Variants in DYNC1I2 observed in about 807,000 individuals in gnomAD.
DYNC1I2 encodes dynein cytoplasmic 1 intermediate chain 2, also known as cytoplasmic dynein 1 intermediate chain 2.
DYNC1I2 carries 53 observed loss-of-function variants against 88.6 expected under a neutral mutation model. The ratio of observed to expected loss-of-function variants is 0.60; its 90% CI spans 0.48 to 0.75. DYNC1I2 has a LOEUF of 0.75. Ranked by LOEUF, DYNC1I2 falls within the 30% of genes least tolerant of loss-of-function variation. The pLI, the probability that DYNC1I2 is intolerant of heterozygous loss-of-function variation, is 0.00. For missense variants in DYNC1I2, 458 were observed against 766.6 expected (o/e 0.60, Z 4.75); for synonymous variants, 198 against 254.6 (o/e 0.78, Z 2.12).
At chr2:171,743,638 C>G (rs1689595247) in intron 15 of DYNC1I2, among the ~76,000 whole-genome samples, 1 of 152,188 alleles carries the variant, frequency 6.6e-6, no homozygotes, top group Admixed American at 6.5e-5. Flanking sequence ...AAGTTTGTCT[C>G]CTGATTCTGC....
intron 3 of DYNC1I2, among the ~76,000 whole-genome samples, chr2:171,703,717 C>A (rs920029681): frequency 3.3e-5 from 5 of 152,028 alleles, no homozygotes; most frequent in Admixed American, 6.6e-5. Flanking sequence ...AAAGTAACAT[C>A]TTTCAGAAGG....
In DYNC1I2 at chr2:171,725,922, C is replaced by T. The variant is rs369395023; in HGVS notation, c.611C>T (p.Pro204Leu). 18 of 1,565,638 alleles carry T rather than the reference C, an allele frequency of 1.1e-5. No homozygotes were observed. The highest frequency in any genetic ancestry group is 1.7e-4 in the Middle Eastern group (1 of 5,804). The change falls in exon 9 of 18, where the codon CCC becomes CTC. Residue 204 changes from proline (P) to leucine (L), a missense_variant. By Grantham distance (98) the Pro-to-Leu change is moderately conservative. Coordinates refer to ENST00000397119, the MANE Select transcript of DYNC1I2 (RefSeq NM_001378.3). ...CAAAAAATTATTTATTTTCCAGCTC[C>T]CCCTCATGAGCTGACTGAAGAAGAA... Reference protein sequence around the residue: ...KKDEENDSKAPPHELTEEEKQ... With the variant: ...KKDEENDSKALPHELTEEEKQ...
At chr2:171,688,280 G>C (rs965603899) in intron 1 of DYNC1I2, 1 of 152,172 alleles carries the variant, frequency 6.6e-6, no homozygotes, top group Non-Finnish European at 1.5e-5. Flanking sequence ...GGAGGTTCTA[G>C]CACAAAACTC....
chr2:171,696,470 C>T (rs983345859), intron 3 of DYNC1I2, among the ~76,000 whole-genome samples: 2 of 152,066 alleles, frequency 1.3e-5, no homozygotes, highest in South Asian at 4.1e-4. Context: ...ACCTGTATAA[C>T]CCTTTTTTGT....
chr2:171,742,052 C>T (rs563364843), intron 15 of DYNC1I2, among the ~76,000 whole-genome samples: 5 of 141,748 alleles, frequency 3.5e-5, no homozygotes, highest in Admixed American at 1.5e-4. Context: ...GGCGACAGAG[C>T]GAGACGCGGT....
chr2:171,747,663 T>G (rs1689893030), intron 17 of DYNC1I2, 113 bp from the exon 18 acceptor site: 3 of 653,272 alleles, frequency 4.6e-6, no homozygotes, highest in Non-Finnish European at 7.8e-6. Flanking sequence ...GAAAGGCCAT[T>G]CAGGTCAATT....
chr2:171,692,905 G>A lies in DYNC1I2; in HGVS notation c.226+11G>A, dbSNP rs747722761. 6.1e-5 allele frequency: 95 copies of A among 1,555,186 alleles called. 4 individuals are homozygous for A. In the East Asian group the frequency reaches 2.2e-3, roughly 36 times the overall value. The stretch of plus-strand genomic sequence containing the variant: ...CAGAATCCCCCATTGGTAAGGTTAA[G>A]AATATATCCATTTATAAGAGATAGG... On this transcript the variant is annotated intron_variant, in intron 3 of 17. Transcript: ENST00000397119.
At chr2:171,732,451 A>T (rs1173366734) in intron 15 of DYNC1I2, among the ~76,000 whole-genome samples, 2 of 152,190 alleles carry the variant, frequency 1.3e-5, no homozygotes, top group Admixed American at 6.5e-5. Flanking sequence ...TTATTTAGAA[A>T]TTTGATGATG....
intron 17 of DYNC1I2, among the ~76,000 whole-genome samples, chr2:171,747,347 A>T (rs886819802): frequency 2.0e-5 from 3 of 151,772 alleles, no homozygotes; most frequent in African/African-American, 7.3e-5. Context: ...ATCAAGAAAG[A>T]TTACCTTATG....
chr2:171,710,746 G>A (rs114879982), intron 5 of DYNC1I2, among the ~76,000 whole-genome samples: 3,561 of 148,656 alleles, frequency 0.024, 61 homozygotes, highest in Middle Eastern at 0.038. Flanking sequence ...TCTGTTGTCC[G>A]GGCTGGGGTG....
chr2:171,696,370 A>T (rs998202739), intron 3 of DYNC1I2, among the ~76,000 whole-genome samples: 8 of 152,216 alleles, frequency 5.3e-5, no homozygotes, highest in Non-Finnish European at 2.9e-5. Context: ...TTAAGTTAGG[A>T]TACTGAACTG....
intron 3 of DYNC1I2, among the ~76,000 whole-genome samples, chr2:171,695,833 G>GT (rs34617871): frequency 0.27 from 40,806 of 152,086 alleles, 5,588 homozygotes; most frequent in African/African-American, 0.3. Context: ...GCATGAAAAA[G>GT]TAACTGCTTT....
intron 3 of DYNC1I2, among the ~76,000 whole-genome samples, chr2:171,702,672 G>A (rs1574526241): frequency 6.7e-6 from 1 of 150,018 alleles, no homozygotes; most frequent in Non-Finnish European, 1.5e-5. Flanking sequence ...AAAACAATTG[G>A]TTTAAAGAAA....
Position 171,712,784 on chromosome 2 carries a change from C to T in DYNC1I2, c.353C>T (p.Thr118Ile). ...CCATTTAGGACGCTGCATTGGGATA[C>T]AGATCCATCAGTTCTTCAGCTTCAC... Reference protein sequence around the residue: ...AVGSRTLHWDTDPSVLQLHSD... With the variant: ...AVGSRTLHWDIDPSVLQLHSD... The change falls in exon 6 of 18, where the codon ACA (threonine) becomes ATA (isoleucine). Residue 118 changes from threonine (T) to isoleucine (I), a missense_variant. Coordinates refer to ENST00000397119, the MANE Select transcript of DYNC1I2 (RefSeq NM_001378.3). 4.3e-6 allele frequency: 7 copies of T among 1,613,434 alleles called. No individual in the cohort carries two copies. Among genetic ancestry groups the T allele is most frequent in the Non-Finnish European group, 2.5e-6 (3 of 1,179,558 alleles).
chr2:171,728,497 C>A, intron 13 of DYNC1I2, 79 bp downstream of exon 13: 1 of 944,718 alleles, frequency 1.1e-6, no homozygotes, highest in South Asian at 1.8e-5. Context: ...TTATGTTTCT[C>A]ATAAACTGTT....
At chr2:171,696,884 A>C (rs1685807985) in intron 3 of DYNC1I2, among the ~76,000 whole-genome samples, 1 of 152,174 alleles carries the variant, frequency 6.6e-6, no homozygotes, top group Non-Finnish European at 1.5e-5. Context: ...TTTACAAAAT[A>C]GTCCTAGGTT....
chr2:171,740,531 T>A (rs1453117942), intron 15 of DYNC1I2, among the ~76,000 whole-genome samples: 1 of 152,174 alleles, frequency 6.6e-6, no homozygotes, highest in African/African-American at 2.4e-5. Context: ...AAAATGTGGG[T>A]GATCAAATGA....
intron 2 of DYNC1I2, among the ~76,000 whole-genome samples, chr2:171,691,514 A>G (rs1685404007): frequency 1.3e-5 from 2 of 152,198 alleles, no homozygotes; most frequent in African/African-American, 4.8e-5. Context: ...TGAAGGTACA[A>G]TTTATGTGCA....
chr2:171,732,834 C>A (rs1013563960), intron 15 of DYNC1I2, among the ~76,000 whole-genome samples: 2 of 152,238 alleles, frequency 1.3e-5, no homozygotes, highest in East Asian at 3.9e-4. Context: ...TGGCCAACTT[C>A]CTTTTCGGTA....
Sources: gnomAD v4.1 joint callset for allele counts (sites outside exome capture counted in the v4.1 genomes callset) on GRCh38, gnomAD v4.1.1 for gene constraint, MANE v1.5 for transcripts, NCBI Gene and HGNC (gene_info 2026-07-23, HGNC 2026-07-21) for gene names.